The following AIG1 variants were observed in gnomAD, a reference collection of about 807,000 sequenced individuals.
AIG1 encodes androgen induced 1, also known as androgen-induced gene 1 protein.
In AIG1, 23 loss-of-function variants were observed where a neutral mutation model predicts 31.4. The observed-to-expected ratio is 0.73, with a 90% CI of 0.53 to 1.04. AIG1 has a LOEUF of 1.04. Among genes scored for constraint, AIG1 ranks in the 50% least tolerant of loss-of-function variants. AIG1 has a pLI of 0.00. For synonymous variants in AIG1, 100 were observed against 110.5 expected (o/e 0.90, Z 0.60); for missense variants, 274 against 295.0 (o/e 0.93, Z 0.52).
chr6:143,240,805 A>C (rs1174083517), intron 3 of AIG1, among the ~76,000 whole-genome samples: 1 of 152,208 alleles, frequency 6.6e-6, no homozygotes, highest in Non-Finnish European at 1.5e-5. Context: ...GGCTTTAAAA[A>C]TCCTTCAAGT....
chr6:143,202,982 CAG>C (rs1274979323), intron 3 of AIG1, among the ~76,000 whole-genome samples: 5 of 152,088 alleles, frequency 3.3e-5, no homozygotes, highest in Non-Finnish European at 7.4e-5. Flanking sequence ...GCTGTGGAAA[CAG>C]AAACAATGTC....
chr6:143,275,023 G>T (rs7742280), intron 3 of AIG1, among the ~76,000 whole-genome samples: 12,798 of 152,180 alleles, frequency 0.084, 832 homozygotes, highest in East Asian at 0.34. Context: ...AACACAGAGG[G>T]ATGAAATAAA....
intron 2 of AIG1, among the ~76,000 whole-genome samples, chr6:143,156,803 G>A (rs949163376): frequency 6.6e-6 from 1 of 152,220 alleles, no homozygotes; most frequent in Non-Finnish European, 1.5e-5. Flanking sequence ...CTAAATTGGG[G>A]CAGGGTCTTT....
chr6:143,230,472 A>G (rs1793357430), intron 3 of AIG1, among the ~76,000 whole-genome samples: 1 of 150,038 alleles, frequency 6.7e-6, no homozygotes, highest in African/African-American at 2.4e-5. Context: ...TAAATAAGAT[A>G]TACTATTAAA....
intron 1 of AIG1, among the ~76,000 whole-genome samples, chr6:143,069,862 G>A (rs1042753586): frequency 6.6e-6 from 1 of 151,948 alleles, no homozygotes; most frequent in Non-Finnish European, 1.5e-5. Flanking sequence ...TAAAGTTTTA[G>A]GTTTTACATT....
At chr6:143,312,134 C>T (rs1270765662) in intron 4 of AIG1, among the ~76,000 whole-genome samples, 2 of 151,894 alleles carry the variant, frequency 1.3e-5, no homozygotes, top group African/African-American at 2.4e-5. Flanking sequence ...TTCATACTAC[C>T]CAAAGCAATT....
At chr6:143,244,127 G>T (rs1423200107) in intron 3 of AIG1, among the ~76,000 whole-genome samples, 1 of 152,194 alleles carries the variant, frequency 6.6e-6, no homozygotes, top group Non-Finnish European at 1.5e-5. Flanking sequence ...AATATTGTGA[G>T]ATAAAATGAT....
chr6:143,190,677 C>T (rs1037886125), intron 3 of AIG1: 1 of 890,464 alleles, frequency 1.1e-6, no homozygotes, highest in South Asian at 5.2e-5. Flanking sequence ...ACTTTCTCAA[C>T]CTGTATTCTA....
chr6:143,202,498 C>A lies in AIG1; in HGVS notation c.399+37315C>A, dbSNP rs570982980. 5.3e-5 allele frequency among the ~76,000 whole-genome samples: 8 copies of A among 152,282 alleles called. No homozygotes were observed. The East Asian group carries it at 1.2e-3, about 22-fold the overall frequency. On this transcript the variant is annotated intron_variant, in intron 3 of 5. Transcript: ENST00000357847. ...TGTTAAAGATAAACTTAAAAAAATTCTTTAATGTTTCCTTTGCATATCAAG... is the reference window on the plus strand; with the variant it reads ...TGTTAAAGATAAACTTAAAAAAATTATTTAATGTTTCCTTTGCATATCAAG...
At position 143,339,726 on chromosome 6, in the gene AIG1, T is replaced by C. The variant is rs201144984; in HGVS notation, c.*50T>C. 3.1e-6 allele frequency: 5 copies of C among 1,595,604 alleles called. No individual in the cohort carries two copies. Among genetic ancestry groups the C allele is most frequent in the Non-Finnish European group, 4.3e-6 (5 of 1,167,344 alleles). On this transcript the variant is annotated 3_prime_UTR_variant, in exon 6 of 6. Coordinates refer to ENST00000357847, the MANE Select transcript of AIG1 (RefSeq NM_016108.4). The stretch of plus-strand genomic sequence containing the variant: ...AGATTGAGCCGCCATTGAAGACTCC[T>C]TCCCCTCGGGCATTGGCAGTGGGGG...
intron 4 of AIG1, among the ~76,000 whole-genome samples, chr6:143,323,011 G>A (rs1776341558): frequency 6.6e-6 from 1 of 152,032 alleles, no homozygotes; most frequent in Non-Finnish European, 1.5e-5. Context: ...TGATGACCAC[G>A]TCTCTAAGGT....
intron 2 of AIG1, among the ~76,000 whole-genome samples, chr6:143,155,318 TA>T (rs1785634161): frequency 6.6e-6 from 1 of 152,146 alleles, no homozygotes; most frequent in African/African-American, 2.4e-5. Context: ...AGGAAAAATG[TA>T]ATGTGCTATG....
intron 4 of AIG1, among the ~76,000 whole-genome samples, chr6:143,289,733 A>G (rs1033062508): frequency 6.6e-6 from 1 of 152,144 alleles, no homozygotes; most frequent in Non-Finnish European, 1.5e-5. Flanking sequence ...TTATTTACAT[A>G]CAGTATTTGT....
Position 143,116,050 on chromosome 6 carries a change from G to A in AIG1, c.142-20785G>A, listed in dbSNP as rs117328188. Among the ~76,000 whole-genome samples the A allele has an allele frequency of 5.0e-3, 754 of 152,308 alleles. 19 individuals are homozygous for A. In the East Asian group the frequency reaches 0.055, roughly 11 times the overall value. On this transcript the variant is annotated intron_variant, in intron 1 of 5. Coordinates refer to ENST00000357847, the MANE Select transcript of AIG1 (RefSeq NM_016108.4). ...TGAATAAAAGGTAATCTTTGTCCTC[G>A]AAGGGCTCATAATCTAGACAGGAAG...
intron 3 of AIG1, chr6:143,188,649 T>G: frequency 2.0e-6 from 2 of 984,626 alleles, no homozygotes; most frequent in Non-Finnish European, 2.4e-6. Flanking sequence ...TACACTTCTT[T>G]TAACAAATAA....
intron 2 of AIG1, among the ~76,000 whole-genome samples, chr6:143,146,547 CTCTT>C (rs1163217033): frequency 6.6e-6 from 1 of 151,764 alleles, no homozygotes; most frequent in African/African-American, 2.4e-5. Flanking sequence ...ACCCTCTTCT[CTCTT>C]TCTCTCTCTA....
At chr6:143,068,968 A>T (rs1776988748) in intron 1 of AIG1, among the ~76,000 whole-genome samples, 1 of 152,056 alleles carries the variant, frequency 6.6e-6, no homozygotes, top group Non-Finnish European at 1.5e-5. Flanking sequence ...CAATATGAAC[A>T]TATGGTTTTT....
chr6:143,105,039 G>A (rs1562380534), intron 1 of AIG1, among the ~76,000 whole-genome samples: 2 of 152,336 alleles, frequency 1.3e-5, no homozygotes, highest in South Asian at 2.1e-4. Flanking sequence ...GGTAAGGTAA[G>A]ATCTCATGAT....
chr6:143,234,059 A>G (rs994263051), intron 3 of AIG1, among the ~76,000 whole-genome samples: 3 of 152,170 alleles, frequency 2.0e-5, no homozygotes, highest in African/African-American at 7.2e-5. Flanking sequence ...GCATCTGTCC[A>G]TGGTGCTTGA....
Sources: gnomAD v4.1 joint callset for allele counts (sites outside exome capture counted in the v4.1 genomes callset) on GRCh38, gnomAD v4.1.1 for gene constraint, MANE v1.5 for transcripts, NCBI Gene and HGNC (gene_info 2026-07-23, HGNC 2026-07-21) for gene names.